The following ADGRV1 variants were observed in gnomAD, a reference collection of about 807,000 sequenced individuals.
The protein encoded by ADGRV1 is adhesion G protein-coupled receptor V1, also known as G-protein coupled receptor 98.
ADGRV1 carries 359 observed loss-of-function variants against 596.2 expected under a neutral mutation model. The observed-to-expected ratio is 0.60, with a 90% CI of 0.55 to 0.66. The LOEUF is 0.66. Among genes scored for constraint, ADGRV1 ranks in the 30% least tolerant of loss-of-function variants. The pLI is 0.00. For synonymous variants in ADGRV1, 2,681 were observed against 2,679.2 expected (o/e 1.00, Z -0.02); for missense variants, 7,274 against 7,575.6 (o/e 0.96, Z 1.48).
intron 86 of ADGRV1, among the ~76,000 whole-genome samples, chr5:91,075,934 T>A (rs1450225837): frequency 1.3e-5 from 2 of 152,148 alleles, no homozygotes; most frequent in African/African-American, 4.8e-5. Context: ...TTTTCCTAAA[T>A]TTTCCTGATA....
At chr5:90,831,947 A>G (rs577327647) in intron 77 of ADGRV1, among the ~76,000 whole-genome samples, 4 of 152,314 alleles carry the variant, frequency 2.6e-5, no homozygotes, top group South Asian at 4.1e-4. Flanking sequence ...CATTGTGTAT[A>G]TGTAGCACAT....
At chr5:91,143,343 C>G (rs1795262564) in intron 87 of ADGRV1, among the ~76,000 whole-genome samples, 1 of 152,190 alleles carries the variant, frequency 6.6e-6, no homozygotes, top group Non-Finnish European at 1.5e-5. Flanking sequence ...CTCTTTCAGC[C>G]CTGCCATTAG....
rs576463560 is a variant in ADGRV1 at position 90,768,440 on chromosome 5, A to C, written c.12285+4971A>C. On this transcript the variant is annotated intron_variant, in intron 59 of 89. Transcript: ENST00000405460. Reference sequence around the variant, plus strand: ...GGTATCCACTCCATCAATAATGCCCAGGTGGAAATCGTTCTCATAGCAACT... The same window carrying C: ...GGTATCCACTCCATCAATAATGCCCCGGTGGAAATCGTTCTCATAGCAACT... 2.6e-5 allele frequency among the ~76,000 whole-genome samples: 4 copies of C among 152,350 alleles called. No homozygotes were observed. In the East Asian group the frequency reaches 5.8e-4, roughly 22 times the overall value.
At chr5:91,128,425 C>T (rs1201428384) in intron 87 of ADGRV1, among the ~76,000 whole-genome samples, 2 of 152,064 alleles carry the variant, frequency 1.3e-5, no homozygotes, top group African/African-American at 4.8e-5. Flanking sequence ...TTTTGTCTTT[C>T]CCTCACTGAA....
At chr5:91,055,396 TTAATGA>T (rs11277868) in intron 85 of ADGRV1, among the ~76,000 whole-genome samples, 89,037 of 151,568 alleles carry the variant, frequency 0.59, 26,825 homozygotes, top group South Asian at 0.68. Flanking sequence ...CATACTAAAG[TTAATGA>T]TAATAATGGC....
At chr5:90,751,938 A>G (rs1434994173) in intron 53 of ADGRV1, among the ~76,000 whole-genome samples, 1 of 152,210 alleles carries the variant, frequency 6.6e-6, no homozygotes, top group Non-Finnish European at 1.5e-5. Context: ...TCTTATATAA[A>G]CATGATTACA....
At chr5:90,588,401 A>G (rs1024319638) in intron 1 of ADGRV1, among the ~76,000 whole-genome samples, 1 of 152,220 alleles carries the variant, frequency 6.6e-6, no homozygotes, top group Non-Finnish European at 1.5e-5. Flanking sequence ...TCTCATGGAG[A>G]TAATGAGTTT....
At chr5:90,708,948 C>A in intron 39 of ADGRV1, 39 bp downstream of exon 39, 1 of 1,344,834 alleles carries the variant, frequency 7.4e-7, no homozygotes, top group Non-Finnish European at 1.1e-6. Context: ...TTGCTCACTT[C>A]AAATGAAATG....
intron 85 of ADGRV1, among the ~76,000 whole-genome samples, chr5:91,027,815 T>C (rs960904248): frequency 1.3e-5 from 2 of 152,172 alleles, no homozygotes; most frequent in African/African-American, 2.4e-5. Context: ...TGTACAATAG[T>C]TAAGTCTAAT....
chr5:90,583,237 CT>C (rs1256161781), intron 1 of ADGRV1, among the ~76,000 whole-genome samples: 1 of 152,066 alleles, frequency 6.6e-6, no homozygotes, highest in Non-Finnish European at 1.5e-5. Context: ...GATTAATAGA[CT>C]TTCCTGAAGC....
chr5:91,133,120 A>T (rs1273296035), intron 87 of ADGRV1, among the ~76,000 whole-genome samples: 1 of 152,144 alleles, frequency 6.6e-6, no homozygotes. Context: ...CTTTTTCTTA[A>T]CTTTTATTTT....
At position 90,651,603 on chromosome 5, in the gene ADGRV1, G is replaced by A; in HGVS notation, c.3290-1G>A. ...TTTTGTCTTTTCCACTTTTAATTTA[G>A]GTGATACAGTAGTATATCAATATGG... On this transcript the variant is annotated splice_acceptor_variant, in intron 17 of 89. Coordinates refer to ENST00000405460, the MANE Select transcript of ADGRV1 (RefSeq NM_032119.4). LOFTEE classifies it high-confidence loss of function. 1 of 1,518,460 alleles carries A rather than the reference G, an allele frequency of 6.6e-7. No individual in the cohort carries two copies. The highest frequency in any genetic ancestry group is 9.0e-7 in the Non-Finnish European group (1 of 1,113,360). 94.1% of individuals were successfully genotyped at this position (1,518,460 alleles called of 1,614,324 possible).
At chr5:90,950,390 C>T (rs1024651970) in intron 83 of ADGRV1, among the ~76,000 whole-genome samples, 5 of 152,004 alleles carry the variant, frequency 3.3e-5, no homozygotes, top group Non-Finnish European at 7.4e-5. Context: ...GGGGTGATCT[C>T]GGCTCACTGC....
chr5:90,579,883 T>C (rs1381387439), intron 1 of ADGRV1, among the ~76,000 whole-genome samples: 1 of 152,190 alleles, frequency 6.6e-6, no homozygotes, highest in Non-Finnish European at 1.5e-5. Flanking sequence ...TCTCTTTTGA[T>C]CTTTCTTTAT....
chr5:90,602,029 A>G (rs1164783263), intron 1 of ADGRV1, among the ~76,000 whole-genome samples: 2 of 152,238 alleles, frequency 1.3e-5, no homozygotes, highest in African/African-American at 4.8e-5. Flanking sequence ...GAATATTTGA[A>G]GAGGAAAATC....
rs1303006995 is a variant in ADGRV1 at position 90,916,684 on chromosome 5, G to C, written c.17857-48731G>C. On this transcript the variant is annotated intron_variant, in intron 83 of 89. Transcript: ENST00000405460. ...GTCTCGCTCTGTCGCCCAGGCTGGA[G>C]TGCAGTGGCGGGATCTCGGCTCACT... Among the ~76,000 whole-genome samples the C allele has an allele frequency of 5.0e-5, 7 of 139,684 alleles. No homozygotes were observed. In the East Asian group the frequency reaches 1.5e-3, roughly 29 times the overall value. The allele number at this position is 139,684 out of a possible 152,430, so 91.6% of individuals were successfully genotyped here.
chr5:90,961,381 C>T (rs906035241), intron 83 of ADGRV1, among the ~76,000 whole-genome samples: 1 of 150,296 alleles, frequency 6.7e-6, no homozygotes, highest in Non-Finnish European at 1.5e-5. Flanking sequence ...CCAGCTACTC[C>T]GGAGGCTGAG....
In ADGRV1 at chr5:90,683,798, G is replaced by C. The variant is rs1162238531; in HGVS notation, c.5877G>C (p.Leu1959Phe). ...TCCTCAGTGTTTCCAGTGGTTCTTT[G>C]GGAGCTCATATTAATGCCACGTTAA... The part of the protein sequence containing the change: ...VSVLSVSSGS[L>F]GAHINATLTV... The change falls in exon 28 of 90, where the codon TTG becomes TTC. Residue 1959 changes from leucine (L) to phenylalanine (F), a missense_variant. This residue lies in a region of ADGRV1 where 3,643 missense variants were observed against 3,809.2 expected (regional missense o/e 0.96). Coordinates refer to ENST00000405460, the MANE Select transcript of ADGRV1 (RefSeq NM_032119.4). 1 of 1,613,780 alleles carries C rather than the reference G, an allele frequency of 6.2e-7. No homozygotes were observed. Among genetic ancestry groups the C allele is most frequent in the Non-Finnish European group, 8.5e-7 (1 of 1,179,830 alleles).
intron 70 of ADGRV1, among the ~76,000 whole-genome samples, chr5:90,793,679 A>T (rs919729980): frequency 4.6e-5 from 7 of 151,392 alleles, no homozygotes; most frequent in Non-Finnish European, 8.9e-5. Context: ...CATTTCATAA[A>T]AATACTTAGC....
Sources: allele counts gnomAD v4.1 joint callset (sites outside exome capture counted in the v4.1 genomes callset), GRCh38; gene constraint gnomAD v4.1.1; regional missense constraint gnomAD v4.1.1; transcripts MANE v1.5; gene names NCBI Gene and HGNC (gene_info 2026-07-23, HGNC 2026-07-21).